PHF24: variants seen among roughly 807,000 people sequenced by gnomAD.
PHF24 encodes the protein Galpha inhibitory interacting protein.
In PHF24, 25 loss-of-function variants were observed where a neutral mutation model predicts 42.6. The ratio of observed to expected loss-of-function variants is 0.59; its 90% confidence interval spans 0.43 to 0.82. The LOEUF (loss-of-function observed/expected upper bound fraction) is 0.82. PHF24 is among the 40% of genes least tolerant of loss of function. The probability of loss-of-function intolerance (pLI) is 0.00; values close to 1 mark genes in which losing one functional copy is unlikely to be tolerated. For synonymous variants in PHF24, 185 were observed against 204.8 expected (o/e 0.90, Z 0.83); for missense variants, 470 against 538.1 (o/e 0.87, Z 1.25).
At chr9:34,899,988 G>A in the PHF24 span, among the ~76,000 whole-genome samples, 2 of 152,038 alleles carry the variant, frequency 1.3e-5, no homozygotes, top group Admixed American at 1.3e-4. Context: ...AAGCAAGAAG[G>A]CACTCAGCTA....
At chr9:34,887,773 C>G in the PHF24 span, among the ~76,000 whole-genome samples, 6 of 152,060 alleles carry the variant, frequency 3.9e-5, no homozygotes, top group Non-Finnish European at 5.9e-5. Flanking sequence ...TTTATTTATA[C>G]TTCTTTTCTC....
chr9:34,860,900 T>G, the PHF24 span, among the ~76,000 whole-genome samples: 1 of 152,174 alleles, frequency 6.6e-6, no homozygotes, highest in Non-Finnish European at 1.5e-5. Flanking sequence ...GACTGTGATC[T>G]CTTTACACAG....
the PHF24 span, among the ~76,000 whole-genome samples, chr9:34,921,992 T>C: frequency 3.9e-5 from 6 of 152,146 alleles, no homozygotes. Context: ...TGAAAACAGA[T>C]AACTCCCTAA....
chr9:34,907,246 C>T, the PHF24 span, among the ~76,000 whole-genome samples: 2 of 152,176 alleles, frequency 1.3e-5, no homozygotes, highest in African/African-American at 4.8e-5. Context: ...ACGTAGGCCT[C>T]CCAACTCCTG....
the PHF24 span, among the ~76,000 whole-genome samples, chr9:34,736,666 TAAC>T: frequency 3.9e-5 from 6 of 152,222 alleles, no homozygotes; most frequent in Non-Finnish European, 8.8e-5. Context: ...CAGAGAATAC[TAAC>T]CAGGGTAAAC....
chr9:34,728,035 A>G, the PHF24 span: 4 of 1,552,058 alleles, frequency 2.6e-6, no homozygotes, highest in Admixed American at 7.8e-5. Flanking sequence ...TTAATGATGG[A>G]GAGCAGCTTC....
At chr9:34,814,809 C>T in the PHF24 span, among the ~76,000 whole-genome samples, 4 of 151,978 alleles carry the variant, frequency 2.6e-5, no homozygotes, top group Non-Finnish European at 5.9e-5. Context: ...GGCACGATAT[C>T]GTCTCACTGC....
the PHF24 span, among the ~76,000 whole-genome samples, chr9:34,926,180 G>A: frequency 3.9e-5 from 6 of 152,262 alleles, no homozygotes; most frequent in African/African-American, 1.4e-4. The surrounding 1 kb of genome is among the most constrained non-coding windows in gnomAD (Gnocchi z 4.3). Context: ...GCATGTGTGT[G>A]CATATGGTGA....
the PHF24 span, among the ~76,000 whole-genome samples, chr9:34,712,736 AT>A: frequency 1.2e-4 from 18 of 148,988 alleles, no homozygotes; most frequent in African/African-American, 2.5e-4. Context: ...TAAGACAGTT[AT>A]TTTTTTTTTC....
At chr9:34,972,227 G>A in intron 2 of PHF24, 119 bp from the exon 3 acceptor site, 4 of 876,214 alleles carry the variant, frequency 4.6e-6, no homozygotes, top group Non-Finnish European at 6.8e-6. Flanking sequence ...AGTTGGGGCT[G>A]TTCCTCTAGG....
chr9:34,961,183 C>T (rs573060827), intron 1 of PHF24, among the ~76,000 whole-genome samples: 6 of 152,316 alleles, frequency 3.9e-5, no homozygotes, highest in African/African-American at 1.4e-4. Context: ...GCTACAGAAT[C>T]TATTATCTTT....
chr9:34,765,644 C>A, the PHF24 span, among the ~76,000 whole-genome samples: 1 of 149,146 alleles, frequency 6.7e-6, no homozygotes, highest in Admixed American at 6.7e-5. Context: ...TGGGTCTTGA[C>A]TCTTTATCCA....
At chr9:34,875,999 G>A in the PHF24 span, among the ~76,000 whole-genome samples, 5 of 117,354 alleles carry the variant, frequency 4.3e-5, no homozygotes, top group African/African-American at 1.7e-4. Context: ...CTCCTTCCAA[G>A]TCCCTAGCTG....
the PHF24 span, chr9:34,729,485 T>C: frequency 2.0e-6 from 3 of 1,501,104 alleles, no homozygotes; most frequent in African/African-American, 4.2e-5. Context: ...TTCAGGGTTC[T>C]GGTGCCTAAT....
chr9:34,765,818 T>C, the PHF24 span, among the ~76,000 whole-genome samples: 4 of 152,288 alleles, frequency 2.6e-5, no homozygotes, highest in African/African-American at 7.2e-5. Context: ...CAATTTGGCA[T>C]GATTTTGCAG....
chr9:34,764,912 T>C, the PHF24 span, among the ~76,000 whole-genome samples: 3 of 151,324 alleles, frequency 2.0e-5, no homozygotes, highest in African/African-American at 7.3e-5. Context: ...TTTGTTCTCA[T>C]TGGTTTCAAA....
chr9:34,837,136 C>A, the PHF24 span: 1 of 471,254 alleles, frequency 2.1e-6, no homozygotes, highest in Non-Finnish European at 4.4e-6. Context: ...GCTGAGGAAC[C>A]AGAAGACAGT....
At chr9:34,700,410 G>A in the PHF24 span, among the ~76,000 whole-genome samples, 4 of 152,158 alleles carry the variant, frequency 2.6e-5, no homozygotes, top group Non-Finnish European at 5.9e-5. Flanking sequence ...TGGAAACAAA[G>A]TAGAGCCAAT....
At chr9:34,710,865 T>G in the PHF24 span, among the ~76,000 whole-genome samples, 1 of 152,286 alleles carries the variant, frequency 6.6e-6, no homozygotes, top group Admixed American at 6.5e-5. Flanking sequence ...CAAGCGATCC[T>G]CCTGCCTTGG....
Sources: gnomAD v4.1 joint callset for allele counts (sites outside exome capture counted in the v4.1 genomes callset) on GRCh38, gnomAD v4.1.1 for gene constraint, Gnocchi (gnomAD v3.1) non-coding constraint, MANE v1.5 for transcripts, NCBI Gene and HGNC (gene_info 2026-07-23, HGNC 2026-07-21) for gene names.